The following MAPRE2 variants were observed in gnomAD, a reference collection of about 807,000 sequenced individuals.
The protein encoded by MAPRE2 is microtubule associated protein RP/EB family member 2.
Under a neutral mutation model 43.2 loss-of-function variants are expected in MAPRE2, and 13 were observed. The ratio of observed to expected loss-of-function variants is 0.30; its 90% CI spans 0.20 to 0.48. The LOEUF (loss-of-function observed/expected upper bound fraction) is 0.48, where lower values mean the gene tolerates loss of function less well. Ranked by LOEUF, MAPRE2 falls within the 20% of genes least tolerant of loss-of-function variation. The pLI is 0.99. For synonymous variants in MAPRE2, 135 were observed against 148.8 expected, an observed-to-expected ratio of 0.91 and a Z score of 0.68; for missense variants, 161 against 400.2, an observed-to-expected ratio of 0.40 and a Z score of 5.10.
intron 4 of MAPRE2, among the ~76,000 whole-genome samples, chr18:35,106,176 C>T (rs1461936079): frequency 1.3e-5 from 2 of 152,122 alleles, no homozygotes; most frequent in Admixed American, 6.6e-5. Context: ...TTTGTTCCCA[C>T]CTCTAAGCCT....
intron 1 of MAPRE2, among the ~76,000 whole-genome samples, chr18:35,000,419 T>C (rs2097028731): frequency 6.6e-6 from 1 of 152,258 alleles, no homozygotes; most frequent in African/African-American, 2.4e-5. Context: ...CATTCTGATA[T>C]ATCTTTCATG....
At chr18:34,984,675 G>C (rs1179994877) in intron 1 of MAPRE2, among the ~76,000 whole-genome samples, 1 of 148,448 alleles carries the variant, frequency 6.7e-6, no homozygotes, top group Non-Finnish European at 1.5e-5. Flanking sequence ...GACTGGGTAA[G>C]GAACCAATCC....
chr18:35,029,253 G>C (rs1317589477), intron 2 of MAPRE2, among the ~76,000 whole-genome samples: 1 of 152,034 alleles, frequency 6.6e-6, no homozygotes, highest in Non-Finnish European at 1.5e-5. Context: ...TTTGGATGAG[G>C]TCAGAAAATG....
At chr18:34,984,988 T>C (rs1404623745) in intron 1 of MAPRE2, among the ~76,000 whole-genome samples, 1 of 75,450 alleles carries the variant, frequency 1.3e-5, no homozygotes, top group African/African-American at 5.3e-5. Flanking sequence ...AAATATATTA[T>C]ATATAAAATA....
At chr18:35,013,055 T>C (rs1234682483) in intron 2 of MAPRE2, among the ~76,000 whole-genome samples, 1 of 152,078 alleles carries the variant, frequency 6.6e-6, no homozygotes, top group Non-Finnish European at 1.5e-5. Flanking sequence ...CCCATAAAGG[T>C]TATATAAAAT....
chr18:35,030,558 C>T (rs1350482550), intron 2 of MAPRE2, among the ~76,000 whole-genome samples: 1 of 149,688 alleles, frequency 6.7e-6, no homozygotes, highest in Non-Finnish European at 1.5e-5. Context: ...GAATAGCCCC[C>T]TTTCTTGTGA....
intron 6 of MAPRE2, among the ~76,000 whole-genome samples, chr18:35,134,575 G>A (rs1451209846): frequency 2.0e-5 from 3 of 152,170 alleles, no homozygotes; most frequent in African/African-American, 7.2e-5. Context: ...GCCGAGTGGT[G>A]GGTACCATGG....
intron 2 of MAPRE2, among the ~76,000 whole-genome samples, chr18:35,026,165 G>C (rs1477250183): frequency 6.6e-6 from 1 of 152,060 alleles, no homozygotes; most frequent in African/African-American, 2.4e-5. Context: ...GTGAGCAGCG[G>C]GAGAGGAATG....
At chr18:34,982,998 C>A (rs2097017199) in intron 1 of MAPRE2, among the ~76,000 whole-genome samples, 1 of 152,188 alleles carries the variant, frequency 6.6e-6, no homozygotes, top group Non-Finnish European at 1.5e-5. Flanking sequence ...TTGTCTATGG[C>A]TGTGGCAGCA....
At chr18:35,002,777 T>C (rs1185550307) in intron 1 of MAPRE2, among the ~76,000 whole-genome samples, 1 of 152,230 alleles carries the variant, frequency 6.6e-6, no homozygotes, top group African/African-American at 2.4e-5. Context: ...TTTGGTTGCA[T>C]TTTGAGAATT....
intron 1 of MAPRE2, among the ~76,000 whole-genome samples, chr18:35,047,234 A>G (rs1418316039): frequency 1.3e-5 from 2 of 152,208 alleles, no homozygotes; most frequent in East Asian, 1.9e-4. Context: ...TCTTTTTTCT[A>G]CAGTGAATTA....
intron 1 of MAPRE2, among the ~76,000 whole-genome samples, chr18:35,068,060 TATTTATTTTTAC>T (rs1378344744): frequency 4.6e-5 from 7 of 152,172 alleles, no homozygotes; most frequent in African/African-American, 1.7e-4. Context: ...GAGTGATAGA[TATTTATTTTTAC>T]ATTTATTTCT....
At chr18:35,111,276 T>G (rs1442425054) in intron 4 of MAPRE2, among the ~76,000 whole-genome samples, 1 of 152,072 alleles carries the variant, frequency 6.6e-6, no homozygotes, top group Non-Finnish European at 1.5e-5. Context: ...TTCTGTTTAC[T>G]TTTTTTTCTT....
intron 1 of MAPRE2, among the ~76,000 whole-genome samples, chr18:34,985,284 T>TATAAA (rs1568961448): frequency 1.1e-3 from 37 of 32,490 alleles, no homozygotes; most frequent in African/African-American, 5.5e-3. Context: ...TATAATATAT[T>TATAAA]ATATATTATA....
intron 1 of MAPRE2, among the ~76,000 whole-genome samples, chr18:34,992,000 C>T (rs573774445): frequency 4.5e-4 from 68 of 152,102 alleles, no homozygotes; most frequent in Middle Eastern, 3.4e-3. Context: ...TGAATTTTTT[C>T]GTTTTTTATG....
chr18:35,044,292 G>T lies in MAPRE2; in HGVS notation c.122+2631G>T, dbSNP rs527369328. Among the ~76,000 whole-genome samples the T allele has an allele frequency of 2.0e-5, 3 of 152,286 alleles. No individual in the cohort carries two copies. The East Asian group carries it at 5.8e-4, about 29-fold the overall frequency. Reference sequence around the variant, plus strand: ...GTTGCCCAGGCTGGCATGTAATGGCGCAATCTCTGCTCACTGCAACCTCCG... The same window carrying T: ...GTTGCCCAGGCTGGCATGTAATGGCTCAATCTCTGCTCACTGCAACCTCCG... On this transcript the variant is annotated intron_variant, in intron 1 of 6. Transcript: ENST00000300249.
intron 2 of MAPRE2, among the ~76,000 whole-genome samples, chr18:35,093,362 G>T (rs976551790): frequency 6.6e-6 from 1 of 151,786 alleles, no homozygotes; most frequent in Non-Finnish European, 1.5e-5. Context: ...ATATGGAGGC[G>T]CCTCAAAACA....
At chr18:35,081,637 A>C (rs1262951539) in intron 2 of MAPRE2, among the ~76,000 whole-genome samples, 1 of 152,140 alleles carries the variant, frequency 6.6e-6, no homozygotes, top group Non-Finnish European at 1.5e-5. Flanking sequence ...ATAAGTATGG[A>C]GTTCTCACCT....
In MAPRE2 at chr18:34,978,561, C is replaced by CAAA. The variant is rs758326053; in HGVS notation, c.-70+1483_-70+1484insAAA. 5.8e-6 allele frequency: 9 copies of CAAA among 1,550,998 alleles called. No homozygotes were observed. In the African/African-American group the frequency reaches 1.2e-4, roughly 21 times the overall value. The stretch of plus-strand genomic sequence containing the variant: ...CAAAAGGTAATCTGAAGAATGGCAA[C>CAAA]ATTTCCCCTGCTTCTCCTGAACGCT... On this transcript the variant is annotated intron_variant, in intron 1 of 7. Coordinates refer to the MAPRE2 transcript ENST00000413393.
Sources: allele counts gnomAD v4.1 joint callset (sites outside exome capture counted in the v4.1 genomes callset), GRCh38; gene constraint gnomAD v4.1.1; transcripts MANE v1.5; gene names NCBI Gene and HGNC (gene_info 2026-07-23, HGNC 2026-07-21).